Variants in ROBO2 observed in about 807,000 individuals in gnomAD.
ROBO2 encodes roundabout homolog 2.
In ROBO2, 53 loss-of-function variants were observed where a neutral mutation model predicts 160.8. The observed-to-expected ratio is 0.33, with a 90% CI of 0.26 to 0.41. ROBO2 has a LOEUF of 0.41. Among genes scored for constraint, ROBO2 ranks in the 10% least tolerant of loss-of-function variants. The probability of loss-of-function intolerance (pLI) is 1.00; values close to 1 mark genes in which losing one functional copy is unlikely to be tolerated. For synonymous variants in ROBO2, 664 were observed against 611.7 expected (o/e 1.09, Z -1.26); for missense variants, 1,577 against 1,722.4 (o/e 0.92, Z 1.49).
chr3:75,989,011 TAAAG>T (rs1245837863), intron 2 of ROBO2, among the ~76,000 whole-genome samples: 1 of 152,168 alleles, frequency 6.6e-6, no homozygotes, highest in Non-Finnish European at 1.5e-5. Flanking sequence ...ATTTGTTTTA[TAAAG>T]ATACTTCACA....
chr3:76,610,858 GCCA>G (rs1274501430), intron 2 of ROBO2, among the ~76,000 whole-genome samples: 1 of 152,202 alleles, frequency 6.6e-6, no homozygotes, highest in Non-Finnish European at 1.5e-5. Context: ...CTCACTGCGC[GCCA>G]CTGGGCAGGT....
chr3:77,269,091 G>A (rs979446730), intron 2 of ROBO2, among the ~76,000 whole-genome samples: 21 of 147,940 alleles, frequency 1.4e-4, no homozygotes, highest in African/African-American at 5.0e-4. Context: ...CATATCCTGT[G>A]TTGGTATAAA....
chr3:77,066,631 A>G (rs1228964346), intron 1 of ROBO2, among the ~76,000 whole-genome samples: 1 of 152,190 alleles, frequency 6.6e-6, no homozygotes, highest in Non-Finnish European at 1.5e-5. Context: ...ATAGAGGTAT[A>G]TATGTTAATG....
At chr3:76,878,474 C>A (rs1183933237) in intron 2 of ROBO2, among the ~76,000 whole-genome samples, 1 of 152,080 alleles carries the variant, frequency 6.6e-6, no homozygotes, top group Non-Finnish European at 1.5e-5. Context: ...TTGAACATTT[C>A]CCACATAAAT....
intron 2 of ROBO2, among the ~76,000 whole-genome samples, chr3:76,813,165 C>G (rs1447856494): frequency 6.6e-6 from 1 of 151,994 alleles, no homozygotes; most frequent in Non-Finnish European, 1.5e-5. Context: ...TGCAGCACCT[C>G]TCTCCAAGTG....
chr3:77,158,861 G>A (rs1232155515), intron 2 of ROBO2, among the ~76,000 whole-genome samples: 1 of 152,002 alleles, frequency 6.6e-6, no homozygotes, highest in Admixed American at 6.6e-5. Flanking sequence ...TTCCTTTAGC[G>A]GCTGATCACA....
At chr3:77,156,561 A>G (rs189691590) in intron 2 of ROBO2, among the ~76,000 whole-genome samples, 1 of 152,054 alleles carries the variant, frequency 6.6e-6, no homozygotes, top group African/African-American at 2.4e-5. Context: ...TTGCTGTGAG[A>G]AATGATCAGT....
At chr3:77,062,048 G>A (rs575174832) in intron 1 of ROBO2, among the ~76,000 whole-genome samples, 2 of 152,192 alleles carry the variant, frequency 1.3e-5, no homozygotes, top group African/African-American at 4.8e-5. Flanking sequence ...GAGTTTAGAG[G>A]TCTCTACATG....
chr3:77,473,554 T>C (rs947927612), intron 2 of ROBO2, among the ~76,000 whole-genome samples: 3 of 144,420 alleles, frequency 2.1e-5, no homozygotes, highest in African/African-American at 5.1e-5. Flanking sequence ...CCCGGGTTCC[T>C]GCCATTCTCC....
chr3:76,128,622 A>AGT (rs71101881), intron 2 of ROBO2, among the ~76,000 whole-genome samples: 117,733 of 149,960 alleles, frequency 0.79, 48,948 homozygotes, highest in Non-Finnish European at 0.94. Flanking sequence ...ATATGATATG[A>AGT]GTGTGTGTGT....
intron 2 of ROBO2, among the ~76,000 whole-genome samples, chr3:77,395,756 G>A (rs935348838): frequency 2.6e-5 from 4 of 151,938 alleles, no homozygotes; most frequent in African/African-American, 9.7e-5. Context: ...GAATTTTTAA[G>A]GGAATTTAAT....
chr3:75,958,020 C>CA (rs1391546631), intron 2 of ROBO2, among the ~76,000 whole-genome samples: 1 of 151,574 alleles, frequency 6.6e-6, no homozygotes, highest in East Asian at 2.0e-4. Context: ...ATCTTCAATA[C>CA]AAAAAAACAG....
rs534266370 is a variant in ROBO2, at chr3:76,368,258, A to G, written c.109+430656A>G. 3.3e-5 allele frequency among the ~76,000 whole-genome samples: 5 copies of G among 152,130 alleles called. No homozygotes were observed. In the East Asian group the frequency reaches 9.7e-4, roughly 30 times the overall value. Reference sequence around the variant, plus strand: ...GTCATGAGTGAATATGTGAAATAGAATAGTCAGTATTTTTTATAATATATG... The same window carrying G: ...GTCATGAGTGAATATGTGAAATAGAGTAGTCAGTATTTTTTATAATATATG... On this transcript the variant is annotated intron_variant, in intron 2 of 26. Coordinates refer to the ROBO2 transcript ENST00000487694.
intron 2 of ROBO2, among the ~76,000 whole-genome samples, chr3:76,693,544 A>G (rs1471198421): frequency 6.6e-6 from 1 of 151,968 alleles, no homozygotes; most frequent in Non-Finnish European, 1.5e-5. Flanking sequence ...ATTGGCTCAC[A>G]TCATGATTTT....
At chr3:76,006,755 A>G (rs926917264) in intron 2 of ROBO2, among the ~76,000 whole-genome samples, 4 of 152,108 alleles carry the variant, frequency 2.6e-5, no homozygotes, top group Non-Finnish European at 4.4e-5. Flanking sequence ...CATCACTATT[A>G]CTACAAAACT....
intron 2 of ROBO2, among the ~76,000 whole-genome samples, chr3:76,575,045 T>C (rs1283981345): frequency 1.3e-5 from 2 of 152,098 alleles, no homozygotes; most frequent in African/African-American, 4.8e-5. Context: ...AACAGAAAAA[T>C]GTTTGTTTTA....
chr3:77,053,368 G>A (rs1478710316), intron 1 of ROBO2, among the ~76,000 whole-genome samples: 1 of 151,938 alleles, frequency 6.6e-6, no homozygotes, highest in Non-Finnish European at 1.5e-5. Context: ...GCTTAGTCTG[G>A]CCCTTCTGTA....
At chr3:77,099,406 C>T (rs896748867) in intron 2 of ROBO2, among the ~76,000 whole-genome samples, 1 of 152,030 alleles carries the variant, frequency 6.6e-6, no homozygotes, top group Admixed American at 6.5e-5. Context: ...CTGGAACCCC[C>T]GGATGCTGGA....
intron 2 of ROBO2, among the ~76,000 whole-genome samples, chr3:77,232,226 G>T (rs1442126311): frequency 1.3e-5 from 2 of 152,110 alleles, no homozygotes; most frequent in Non-Finnish European, 2.9e-5. Flanking sequence ...AATTTAAGTT[G>T]GTGGTTAAAT....
Sources: allele counts gnomAD v4.1 joint callset (sites outside exome capture counted in the v4.1 genomes callset), GRCh38; gene constraint gnomAD v4.1.1; transcripts MANE v1.5; gene names NCBI Gene and HGNC (gene_info 2026-07-23, HGNC 2026-07-21).